Variants in SENP5 observed in about 807,000 individuals in gnomAD.
SENP5 encodes SUMO specific peptidase 5, also known as sentrin-specific protease 5.
Under a neutral mutation model 74.2 loss-of-function variants are expected in SENP5, and 21 were observed. The observed-to-expected ratio is 0.28, with a 90% CI of 0.20 to 0.41. SENP5 has a LOEUF of 0.41. Among genes scored for constraint, SENP5 ranks in the 10% least tolerant of loss-of-function variants. The pLI, the probability that SENP5 is intolerant of heterozygous loss-of-function variation, is 1.00. For missense variants in SENP5, 717 were observed against 889.1 expected, an observed-to-expected ratio of 0.81 and a Z score of 2.46; for synonymous variants, 311 against 312.7, an observed-to-expected ratio of 0.99 and a Z score of 0.06.
At chr3:196,892,257 C>T (rs907510438) in intron 2 of SENP5, among the ~76,000 whole-genome samples, 5 of 152,146 alleles carry the variant, frequency 3.3e-5, no homozygotes, top group East Asian at 1.9e-4. Flanking sequence ...GATTCTCGTG[C>T]CTCAGCCTCT....
At chr3:196,923,986 T>C (rs1715720650) in intron 7 of SENP5, among the ~76,000 whole-genome samples, 1 of 152,198 alleles carries the variant, frequency 6.6e-6, no homozygotes, top group East Asian at 1.9e-4. Flanking sequence ...CGGATTTTCC[T>C]GCACTACCAA....
rs1716062018 is a variant in SENP5, at chr3:196,932,228, T to G, written c.*1305T>G. 1 of 158,918 alleles carries G rather than the reference T, an allele frequency of 6.3e-6. No individual in the cohort carries two copies. Among genetic ancestry groups the G allele is most frequent in the African/African-American group, 2.4e-5 (1 of 41,486 alleles). The allele number at this position is 158,918 out of a possible 1,614,324, so 9.8% of individuals were successfully genotyped here. ...CATGTGAAACCTACCCAGTTACCCT[T>G]TCTGAATTGGGAGGAAAACCAACCA... On this transcript the variant is annotated 3_prime_UTR_variant, in exon 10 of 10. Transcript: ENST00000323460.
rs1297326226 is a variant in SENP5 at position 196,934,375 on chromosome 3, C to T, written c.*3452C>T. 3 of 152,234 alleles carry T rather than the reference C, an allele frequency of 2.0e-5. No individual in the cohort carries two copies. The highest frequency in any genetic ancestry group is 1.3e-4 in the Admixed American group (2 of 15,286). 9.4% of individuals were successfully genotyped at this position (152,234 alleles called of 1,614,324 possible). On this transcript the variant is annotated 3_prime_UTR_variant, in exon 10 of 10. Transcript: ENST00000323460. ...GGGGTTCTGGGCAGGTCAGACTCTT[C>T]AGCAAGACAGTGTATTAATAGTGTG...
chr3:196,873,447 C>A (rs186148908), intron 1 of SENP5, among the ~76,000 whole-genome samples: 102 of 152,108 alleles, frequency 6.7e-4, no homozygotes, highest in African/African-American at 2.4e-3. Flanking sequence ...TGCTGTTGTT[C>A]GGTGTTCCAT....
intron 2 of SENP5, among the ~76,000 whole-genome samples, chr3:196,895,158 C>T (rs1322674520): frequency 1.3e-5 from 2 of 151,384 alleles, no homozygotes; most frequent in Non-Finnish European, 2.9e-5. Context: ...TGTCCAGTGC[C>T]GTTAGTTTAA....
chr3:196,910,335 C>CTTTT lies in SENP5; in HGVS notation c.1884+6751_1884+6754dup, dbSNP rs869108574. On this transcript the variant is annotated intron_variant, in intron 6 of 9. Transcript: ENST00000323460. The stretch of plus-strand genomic sequence containing the variant: ...AAATGGCCATACTGCCCAAAGTAAT[C>CTTTT]TTTTTTTTTTTTTTTTTTTTTTTTT... Among the ~76,000 whole-genome samples the CTTTT allele has an allele frequency of 3.3e-4, 17 of 51,372 alleles. 1 individual carries two copies. The highest frequency in any genetic ancestry group is 2.3e-3 in the South Asian group (2 of 858). 33.7% of individuals were successfully genotyped at this position (51,372 alleles called of 152,430 possible).
intron 2 of SENP5, among the ~76,000 whole-genome samples, chr3:196,899,399 C>G (rs1285805698): frequency 2.4e-5 from 2 of 83,236 alleles, no homozygotes; most frequent in African/African-American, 3.7e-5. Flanking sequence ...CTATCCATTC[C>G]TTCTCTAACA....
chr3:196,868,478 C>T (rs1713035243), intron 1 of SENP5, among the ~76,000 whole-genome samples: 1 of 152,244 alleles, frequency 6.6e-6, no homozygotes, highest in Non-Finnish European at 1.5e-5. Context: ...TCTTTCCTCG[C>T]GCTCCCCGGG....
intron 1 of SENP5, among the ~76,000 whole-genome samples, chr3:196,874,411 A>G (rs1347714161): frequency 6.6e-6 from 1 of 151,726 alleles, no homozygotes; most frequent in Non-Finnish European, 1.5e-5. Flanking sequence ...GCAAATGTCA[A>G]GAGAATTCAG....
intron 6 of SENP5, among the ~76,000 whole-genome samples, chr3:196,919,823 T>G (rs1382465974): frequency 6.6e-6 from 1 of 152,088 alleles, no homozygotes; most frequent in Non-Finnish European, 1.5e-5. Flanking sequence ...ATCAAGATTT[T>G]TTTTTTCTTA....
At chr3:196,921,389 TAG>T (rs952249813) in intron 6 of SENP5, among the ~76,000 whole-genome samples, 3 of 152,332 alleles carry the variant, frequency 2.0e-5, no homozygotes, top group African/African-American at 7.2e-5. Flanking sequence ...GTTTTTGGGT[TAG>T]AGTTACTCAG....
chr3:196,903,515 G>T lies in SENP5; in HGVS notation c.1807-18G>T. The T allele has an allele frequency of 1.9e-6, 3 of 1,568,616 alleles. No homozygotes were observed. The highest frequency in any genetic ancestry group is 2.6e-6 in the Non-Finnish European group (3 of 1,152,648). On this transcript the variant is annotated intron_variant, in intron 5 of 9. Transcript: ENST00000323460. ...AGCCTAATATAATCTGGTTGCTTGTGTTTGTTGTCTGTTCTAGGTTCACTT... is the reference window on the plus strand; with the variant it reads ...AGCCTAATATAATCTGGTTGCTTGTTTTTGTTGTCTGTTCTAGGTTCACTT...
chr3:196,896,573 G>A (rs1714450807), intron 2 of SENP5, among the ~76,000 whole-genome samples: 1 of 152,164 alleles, frequency 6.6e-6, no homozygotes, highest in Admixed American at 6.6e-5. Context: ...TCCTGCCTCA[G>A]TCTCCCAAGT....
chr3:196,887,081 TCA>T (rs1714006495), intron 2 of SENP5, among the ~76,000 whole-genome samples: 1 of 152,238 alleles, frequency 6.6e-6, no homozygotes, highest in Non-Finnish European at 1.5e-5. Context: ...GTCTTACAGA[TCA>T]CAGAGTTTTG....
In SENP5 at chr3:196,900,029, G is replaced by A. The variant is rs747534806; in HGVS notation, c.1725G>A (p.Ala575=). ...NKHMLDMDDL[A]TLDGQNWLND... is the part of the protein sequence containing the mutation. ...ACATGCTGGATATGGACGACCTGGC[G>A]ACTCTGGATGGTCAGAACTGGCTGA... Residue 575 remains alanine (A), a synonymous_variant, in exon 4 of 10, where the codon GCG becomes GCA. Transcript: ENST00000323460. The A allele has an allele frequency of 2.8e-5, 45 of 1,613,922 alleles. No individual in the cohort carries two copies. The highest frequency in any genetic ancestry group is 1.9e-4 in the South Asian group (17 of 91,062).
chr3:196,881,836 A>T (rs1021461251), intron 1 of SENP5, among the ~76,000 whole-genome samples: 5 of 133,224 alleles, frequency 3.8e-5, no homozygotes, highest in African/African-American at 1.1e-4. Flanking sequence ...AAAGAATAAC[A>T]CCCTGTTCTT....
intron 1 of SENP5, among the ~76,000 whole-genome samples, chr3:196,870,393 C>G (rs1407841453): frequency 6.6e-6 from 1 of 152,108 alleles, no homozygotes; most frequent in East Asian, 1.9e-4. Context: ...TCTTTGGTAG[C>G]CTTCTTATTG....
At chr3:196,896,955 A>T (rs1242007065) in intron 2 of SENP5, among the ~76,000 whole-genome samples, 1 of 152,222 alleles carries the variant, frequency 6.6e-6, no homozygotes, top group African/African-American at 2.4e-5. Flanking sequence ...TCTACCGAAT[A>T]AGAAATCCAT....
intron 6 of SENP5, among the ~76,000 whole-genome samples, chr3:196,909,960 A>G (rs543789387): frequency 1.1e-3 from 163 of 152,288 alleles, no homozygotes; most frequent in Non-Finnish European, 1.8e-3. Flanking sequence ...AGGAAGTCAA[A>G]TTGTCTCTTG....
Sources: allele counts gnomAD v4.1 joint callset (sites outside exome capture counted in the v4.1 genomes callset), GRCh38; gene constraint gnomAD v4.1.1; transcripts MANE v1.5; gene names NCBI Gene and HGNC (gene_info 2026-07-23, HGNC 2026-07-21).